PDS5B: variants seen among roughly 807,000 people sequenced by gnomAD.
PDS5B encodes sister chromatid cohesion protein PDS5 homolog B.
In PDS5B, 51 loss-of-function variants were observed where a neutral mutation model predicts 184.1. That is an observed-to-expected ratio of 0.28 (90% CI 0.22 to 0.35). The LOEUF (loss-of-function observed/expected upper bound fraction) is 0.35, where lower values mean the gene tolerates loss of function less well. PDS5B is among the 10% of genes least tolerant of loss of function. PDS5B has a pLI of 1.00. For synonymous variants in PDS5B, 566 were observed against 569.2 expected, an observed-to-expected ratio of 0.99 and a Z score of 0.08; for missense variants, 1,180 against 1,723.3, an observed-to-expected ratio of 0.68 and a Z score of 5.58.
intron 8 of PDS5B, among the ~76,000 whole-genome samples, chr13:32,674,962 T>A (rs1593397379): frequency 6.6e-6 from 1 of 151,672 alleles, no homozygotes. Context: ...TTTTTTTTTT[T>A]AAGTTTTGAG....
chr13:32,665,588 C>CAAAAAAAAAAAAAAAAAAAAAA (rs34604938), intron 6 of PDS5B, among the ~76,000 whole-genome samples: 2 of 25,882 alleles, frequency 7.7e-5, no homozygotes, highest in Non-Finnish European at 1.3e-4. Context: ...GACTCCGACT[C>CAAAAAAAAAAAAAAAAAAAAAA]AAAAAAAAAA....
chr13:32,717,958 A>G (rs906026806), intron 19 of PDS5B, among the ~76,000 whole-genome samples: 2 of 134,838 alleles, frequency 1.5e-5, no homozygotes, highest in African/African-American at 2.7e-5. Context: ...TTTTTGTATA[A>G]GCAAGATAGT....
chr13:32,613,222 G>T (rs1293474489), intron 1 of PDS5B, among the ~76,000 whole-genome samples: 2 of 152,076 alleles, frequency 1.3e-5, no homozygotes, highest in Non-Finnish European at 2.9e-5. Context: ...TTTATGTTTG[G>T]ACATATATGT....
chr13:32,700,028 A>G lies in PDS5B; in HGVS notation c.1740+159A>G, dbSNP rs765012082. Among the ~76,000 whole-genome samples, 20 of 152,284 alleles carry G rather than the reference A, an allele frequency of 1.3e-4. No homozygotes were observed. The South Asian group carries it at 2.1e-3, about 16-fold the overall frequency. On this transcript the variant is annotated intron_variant, in intron 16 of 34. Coordinates refer to ENST00000315596, the MANE Select transcript of PDS5B (RefSeq NM_015032.4). ...TTTCTCTATAGAGACAATTGTTAATATTGTGGTGTATGTCCTTCTAAAATG... is the reference window on the plus strand; with the variant it reads ...TTTCTCTATAGAGACAATTGTTAATGTTGTGGTGTATGTCCTTCTAAAATG...
intron 19 of PDS5B, among the ~76,000 whole-genome samples, chr13:32,721,095 CCT>C: frequency 6.6e-6 from 1 of 152,374 alleles, no homozygotes; most frequent in Middle Eastern, 3.4e-3. Flanking sequence ...CCCACATTTC[CCT>C]CTTTTCTATT....
At chr13:32,773,047 A>C in intron 33 of PDS5B, 142 bp from the exon 34 acceptor site, 2 of 650,506 alleles carry the variant, frequency 3.1e-6, no homozygotes, top group Non-Finnish European at 5.0e-6. Flanking sequence ...AGGATTCAGA[A>C]TATTAAAGAA....
At chr13:32,774,822 G>A (rs1333494551) in intron 34 of PDS5B, among the ~76,000 whole-genome samples, 195 bp from the exon 35 acceptor site, 2 of 152,114 alleles carry the variant, frequency 1.3e-5, no homozygotes, top group Non-Finnish European at 2.9e-5. Context: ...AAGTCTGTGA[G>A]CCTGTAAGGG....
intron 24 of PDS5B, among the ~76,000 whole-genome samples, chr13:32,748,952 C>T (rs1953863803): frequency 6.6e-6 from 1 of 152,026 alleles, no homozygotes; most frequent in South Asian, 2.1e-4. Context: ...ATCATTAGCT[C>T]TCACCAAGAC....
chr13:32,600,698 C>G (rs898064519), intron 1 of PDS5B, among the ~76,000 whole-genome samples: 4 of 152,204 alleles, frequency 2.6e-5, no homozygotes, highest in African/African-American at 9.7e-5. Context: ...GAGATCGTGC[C>G]ACTGCACTCC....
rs981377099 is a variant in PDS5B at position 32,658,372 on chromosome 13, T to C, written c.399+47T>C. On this transcript the variant is annotated intron_variant, in intron 4 of 34. Transcript: ENST00000315596. Reference sequence around the variant, plus strand: ...GAGATGACATTTTAAACTGATTTTTTTGTTTGTATATTTTTAATAATCAAA... The same window carrying C: ...GAGATGACATTTTAAACTGATTTTTCTGTTTGTATATTTTTAATAATCAAA... The C allele has an allele frequency of 2.0e-5, 28 of 1,414,224 alleles. No individual in the cohort carries two copies. In the Middle Eastern group the frequency reaches 6.0e-4, roughly 30 times the overall value. 87.6% of individuals were successfully genotyped at this position (1,414,224 alleles called of 1,614,324 possible). A position where few individuals can be genotyped will look rare whatever the true frequency, so the allele number is the denominator to read the frequency against.
At chr13:32,676,041 CTG>C (rs991369852) in intron 9 of PDS5B, 82 bp downstream of exon 9, 29 of 708,572 alleles carry the variant, frequency 4.1e-5, no homozygotes, top group Middle Eastern at 3.6e-4. Context: ...CACATTTAAA[CTG>C]TGTTCTCTGG....
At chr13:32,608,809 CTG>C (rs1456536282) in intron 1 of PDS5B, among the ~76,000 whole-genome samples, 2 of 152,182 alleles carry the variant, frequency 1.3e-5, no homozygotes, top group African/African-American at 4.8e-5. Flanking sequence ...ACTGGAGGAG[CTG>C]TGAGCCCAGT....
intron 1 of PDS5B, among the ~76,000 whole-genome samples, chr13:32,612,132 G>A (rs1282973847): frequency 6.6e-6 from 1 of 151,850 alleles, no homozygotes. Flanking sequence ...ATTTCTCAGG[G>A]AGTTTTCCTT....
chr13:32,649,553 A>G (rs572694884), intron 2 of PDS5B: 20 of 152,300 alleles, frequency 1.3e-4, no homozygotes, highest in African/African-American at 4.6e-4. Flanking sequence ...CTACCTAGAT[A>G]TTTATGTTGC....
intron 19 of PDS5B, among the ~76,000 whole-genome samples, chr13:32,711,610 C>T (rs144510321): frequency 5.3e-5 from 8 of 150,536 alleles, no homozygotes; most frequent in Middle Eastern, 3.6e-3. Context: ...TGCCCGCTTC[C>T]GCCTCCCAAA....
intron 3 of PDS5B, among the ~76,000 whole-genome samples, chr13:32,656,059 C>A (rs1042375321): frequency 1.3e-5 from 2 of 152,118 alleles, no homozygotes; most frequent in Admixed American, 1.3e-4. Context: ...GCTAGTTATC[C>A]CAGCACCATT....
intron 1 of PDS5B, among the ~76,000 whole-genome samples, chr13:32,614,337 A>C (rs1177156857): frequency 4.1e-5 from 6 of 146,566 alleles, no homozygotes; most frequent in Non-Finnish European, 8.9e-5. Flanking sequence ...TCACTCTGTC[A>C]CCCAGGCTGG....
intron 1 of PDS5B, among the ~76,000 whole-genome samples, chr13:32,645,581 A>C (rs1268500845): frequency 1.3e-5 from 2 of 152,162 alleles, no homozygotes; most frequent in African/African-American, 4.8e-5. Flanking sequence ...TTATATTATC[A>C]AATTTATAAG....
intron 12 of PDS5B, among the ~76,000 whole-genome samples, chr13:32,687,724 A>T (rs1437422822): frequency 1.3e-5 from 2 of 152,198 alleles, no homozygotes; most frequent in Non-Finnish European, 2.9e-5. Context: ...TATAATCTTA[A>T]TATTTTTTCC....
Sources: gnomAD v4.1 joint callset for allele counts (sites outside exome capture counted in the v4.1 genomes callset) on GRCh38, gnomAD v4.1.1 for gene constraint, MANE v1.5 for transcripts, NCBI Gene and HGNC (gene_info 2026-07-23, HGNC 2026-07-21) for gene names.